Variants in SCLT1 observed in about 807,000 individuals in gnomAD.
SCLT1 encodes the protein sodium channel and clathrin linker 1, also known as sodium channel-associated protein 1.
Under a neutral mutation model 112.8 loss-of-function variants are expected in SCLT1, and 78 were observed. The ratio of observed to expected loss-of-function variants is 0.69; its 90% CI spans 0.58 to 0.83. The LOEUF (loss-of-function observed/expected upper bound fraction) is 0.83, where lower values mean the gene tolerates loss of function less well. SCLT1 is among the 40% of genes least tolerant of loss of function. SCLT1 has a pLI of 0.00. For synonymous variants in SCLT1, 257 were observed against 254.7 expected (o/e 1.01, Z -0.09); for missense variants, 747 against 770.4 (o/e 0.97, Z 0.36).
chr4:128,882,875 G>A (rs566060577), downstream of SCLT1, among the ~76,000 whole-genome samples: 3 of 152,226 alleles, frequency 2.0e-5, no homozygotes, highest in Admixed American at 6.5e-5. Flanking sequence ...TGCCAGACAC[G>A]GTGGCTCAGG....
chr4:129,056,386 A>G (rs148174659), intron 2 of SCLT1, among the ~76,000 whole-genome samples: 2 of 152,268 alleles, frequency 1.3e-5, no homozygotes, highest in South Asian at 2.1e-4. Context: ...TTATGGCAGT[A>G]CCATGCTGTT....
At chr4:129,040,787 A>C (rs551479975) in intron 4 of SCLT1, among the ~76,000 whole-genome samples, 1 of 152,324 alleles carries the variant, frequency 6.6e-6, no homozygotes, top group Admixed American at 6.5e-5. Context: ...ATAAGTCATA[A>C]GAACTAATCC....
rs1052849966 is a variant in SCLT1, at chr4:128,957,113, C to G, written c.1059G>C (p.Glu353Asp). 3 of 1,579,278 alleles carry G rather than the reference C, an allele frequency of 1.9e-6. No homozygotes were observed. In the African/African-American group the frequency reaches 4.1e-5, roughly 21 times the overall value. Reference sequence around the variant, plus strand: ...CTATGTCTTCTTCTTTTTGCTTCTCCTCAAGTAGAGCCTTCAGAAAATAAT... The same window carrying G: ...CTATGTCTTCTTCTTTTTGCTTCTCGTCAAGTAGAGCCTTCAGAAAATAAT... ...ANLQKSQALL[E>D]EKQKEEDIEK... The change falls in exon 13 of 21, where the codon GAG (glutamate) becomes GAC (aspartate). Residue 353 changes from glutamate to aspartate, a missense_variant. This residue lies in a region of SCLT1 where 723 missense variants were observed against 721.3 expected (regional missense o/e 1.00). Transcript: ENST00000281142.
intron 18 of SCLT1, among the ~76,000 whole-genome samples, chr4:128,915,441 A>G (rs887740428): frequency 6.6e-6 from 1 of 152,226 alleles, no homozygotes; most frequent in African/African-American, 2.4e-5. Flanking sequence ...AGGACTATGT[A>G]TTCCTTTATT....
intron 18 of SCLT1, among the ~76,000 whole-genome samples, chr4:128,897,585 C>T (rs1733883102): frequency 6.6e-6 from 1 of 151,832 alleles, no homozygotes; most frequent in South Asian, 2.1e-4. Context: ...ATTGTAAAGA[C>T]CATCGAGGCT....
chr4:129,005,804 G>A (rs1201306862), intron 5 of SCLT1, among the ~76,000 whole-genome samples: 1 of 150,184 alleles, frequency 6.7e-6, no homozygotes, highest in Non-Finnish European at 1.5e-5. Context: ...AAGAAAATGT[G>A]GCACATATAC....
chr4:129,043,872 C>G (rs936335290), intron 3 of SCLT1, 121 bp downstream of exon 3: 2 of 619,350 alleles, frequency 3.2e-6, no homozygotes, highest in Non-Finnish European at 5.7e-6. Context: ...CTTGTCAATT[C>G]AAGAACAAAG....
At chr4:129,036,260 G>A (rs1372178147) in intron 5 of SCLT1, among the ~76,000 whole-genome samples, 1 of 152,024 alleles carries the variant, frequency 6.6e-6, no homozygotes, top group Non-Finnish European at 1.5e-5. Context: ...ACATACTCAT[G>A]AGACATGACT....
Position 128,920,111 on chromosome 4 carries a change from C to T in SCLT1, c.1829+16544G>A, listed in dbSNP as rs188890724. Among the ~76,000 whole-genome samples, 103 of 152,216 alleles carry T rather than the reference C, an allele frequency of 6.8e-4. 1 individual carries two copies. Among genetic ancestry groups the T allele is most frequent in the Non-Finnish European group, 1.4e-3 (93 of 68,010 alleles). On this transcript the variant is annotated intron_variant, in intron 18 of 20. Coordinates refer to ENST00000281142, the MANE Select transcript of SCLT1 (RefSeq NM_144643.4). The stretch of plus-strand genomic sequence containing the variant: ...CACAAGAAAAAAAGAAAACTTCAGG[C>T]CAATATTCCTGATGATCATAGATGC...
chr4:129,032,611 A>G (rs1746825135), intron 5 of SCLT1, among the ~76,000 whole-genome samples: 1 of 152,182 alleles, frequency 6.6e-6, no homozygotes, highest in African/African-American at 2.4e-5. Flanking sequence ...TCTAATATCC[A>G]CAATCTGCAA....
chr4:128,954,404 C>T (rs1002914042), intron 13 of SCLT1, among the ~76,000 whole-genome samples: 9 of 151,666 alleles, frequency 5.9e-5, no homozygotes, highest in Middle Eastern at 3.4e-3. Flanking sequence ...CGGCAAGCCC[C>T]GCCTCCTGGG....
At chr4:128,888,291 A>T (rs1441459666) in intron 20 of SCLT1, among the ~76,000 whole-genome samples, 1 of 151,598 alleles carries the variant, frequency 6.6e-6, no homozygotes, top group African/African-American at 2.4e-5. Flanking sequence ...AACGTGGCTC[A>T]CTGCAGCTTC....
intron 2 of SCLT1, among the ~76,000 whole-genome samples, chr4:129,049,264 ATG>A (rs1265743379): frequency 2.6e-5 from 4 of 151,852 alleles, no homozygotes; most frequent in Non-Finnish European, 5.9e-5. Context: ...GATTAAGAAA[ATG>A]TGGCACATAT....
At chr4:128,940,714 C>A (rs1014623463) in intron 17 of SCLT1, among the ~76,000 whole-genome samples, 12 of 151,252 alleles carry the variant, frequency 7.9e-5, no homozygotes, top group Non-Finnish European at 1.3e-4. Flanking sequence ...GAAGTATTAT[C>A]TGAGTTTTGG....
intron 18 of SCLT1, among the ~76,000 whole-genome samples, chr4:128,902,433 A>G (rs541256766): frequency 9.8e-5 from 15 of 152,374 alleles, no homozygotes; most frequent in African/African-American, 3.4e-4. Context: ...CTCCTAGGCT[A>G]CAAACCTGTA....
At chr4:128,984,544 G>A (rs191083449) in intron 9 of SCLT1, among the ~76,000 whole-genome samples, 11 of 151,916 alleles carry the variant, frequency 7.2e-5, no homozygotes, top group African/African-American at 2.7e-4. Flanking sequence ...TCAATATTAC[G>A]AAGTTCTGCC....
chr4:128,967,751 C>T (rs1740334704), intron 10 of SCLT1, among the ~76,000 whole-genome samples: 1 of 152,044 alleles, frequency 6.6e-6, no homozygotes, highest in African/African-American at 2.4e-5. Context: ...GATATTACAC[C>T]TTTGTCAGAT....
chr4:128,933,297 A>G (rs184350253), intron 18 of SCLT1, among the ~76,000 whole-genome samples: 2 of 152,218 alleles, frequency 1.3e-5, no homozygotes, highest in East Asian at 3.9e-4. Flanking sequence ...GAATGAATTG[A>G]ATCTACAGCA....
intron 10 of SCLT1, among the ~76,000 whole-genome samples, chr4:128,967,929 C>T (rs1308254984): frequency 6.6e-6 from 1 of 152,126 alleles, no homozygotes; most frequent in Non-Finnish European, 1.5e-5. Context: ...TTGCCAGGGC[C>T]TATGTCCAGA....
Sources: allele counts gnomAD v4.1 joint callset (sites outside exome capture counted in the v4.1 genomes callset), GRCh38; gene constraint gnomAD v4.1.1; regional missense constraint gnomAD v4.1.1; transcripts MANE v1.5; gene names NCBI Gene and HGNC (gene_info 2026-07-23, HGNC 2026-07-21).